The following EBF4 variants were observed in gnomAD, a reference collection of about 807,000 sequenced individuals.
EBF4 encodes transcription factor COE4.
A neutral mutation model predicts 67.1 loss-of-function variants in EBF4; 34 were observed. That is an observed-to-expected ratio of 0.51 (90% confidence interval 0.39 to 0.67). The LOEUF (loss-of-function observed/expected upper bound fraction) is 0.67. Ranked by LOEUF, EBF4 falls within the 30% of genes least tolerant of loss-of-function variation. The pLI, the probability that EBF4 is intolerant of heterozygous loss-of-function variation, is 0.00. For missense variants in EBF4, 837 were observed against 873.3 expected (o/e 0.96, Z 0.52); for synonymous variants, 387 against 377.7 (o/e 1.02, Z -0.29).
rs527279780 is a variant in EBF4, at chr20:2,755,169, C to T, written c.1541-458C>T. On this transcript the variant is annotated intron_variant, in intron 14 of 16. Coordinates refer to ENST00000609451, the Ensembl canonical transcript of EBF4. The surrounding 1 kb of genome is among the most constrained non-coding windows in gnomAD (Gnocchi z 4.7). ...GAGAGGCTTATAACAGGAGCCTGTG[C>T]GTTCCCCCAAACTTCATCCCTAACT... The T allele has an allele frequency of 1.7e-5, 3 of 173,174 alleles. No homozygotes were observed. The highest frequency in any genetic ancestry group is 2.4e-5 in the Non-Finnish European group (2 of 81,900). The allele number at this position is 173,174 out of a possible 1,614,324, so 10.7% of individuals were successfully genotyped here.
chr20:2,740,859 T>C (rs2087956741), intron 6 of EBF4, among the ~76,000 whole-genome samples: 1 of 152,192 alleles, frequency 6.6e-6, no homozygotes, highest in African/African-American at 2.4e-5. Context: ...TGTCATTGGC[T>C]GTGGGCTACT....
intron 1 of EBF4, among the ~76,000 whole-genome samples, chr20:2,701,996 G>A (rs778699322): frequency 8.5e-5 from 13 of 152,192 alleles, no homozygotes; most frequent in Non-Finnish European, 1.6e-4. Context: ...CTTGCTGGCT[G>A]GGGAGCGGGT....
intron 15 of EBF4, among the ~76,000 whole-genome samples, chr20:2,758,617 G>T (rs975500360): frequency 6.6e-6 from 1 of 152,266 alleles, no homozygotes; most frequent in Admixed American, 6.5e-5. Context: ...ATGGCCATGC[G>T]CTTGAGGAAG....
At chr20:2,714,177 T>G (rs1480956133) in intron 6 of EBF4, among the ~76,000 whole-genome samples, 1 of 152,212 alleles carries the variant, frequency 6.6e-6, no homozygotes, top group East Asian at 1.9e-4. Flanking sequence ...CCGTTTCTCT[T>G]ACTCTGAGTG....
intron 1 of EBF4, among the ~76,000 whole-genome samples, chr20:2,698,734 C>A (rs374208862): frequency 3.9e-5 from 6 of 152,162 alleles, no homozygotes; most frequent in African/African-American, 1.4e-4. Context: ...AGCCTCCCCC[C>A]ATTACTGATG....
chr20:2,734,105 C>T (rs2087848685), intron 6 of EBF4, among the ~76,000 whole-genome samples: 1 of 151,918 alleles, frequency 6.6e-6, no homozygotes, highest in African/African-American at 2.4e-5. Context: ...TTTATAATTG[C>T]TCATTTAAAG....
intron 6 of EBF4, among the ~76,000 whole-genome samples, chr20:2,734,623 T>C (rs1367393225): frequency 6.6e-6 from 1 of 152,224 alleles, no homozygotes; most frequent in Non-Finnish European, 1.5e-5. Flanking sequence ...CTTATTGCTA[T>C]TGCTGTTTGT....
chr20:2,708,798 G>T (rs6037382), intron 5 of EBF4, among the ~76,000 whole-genome samples: 1 of 152,178 alleles, frequency 6.6e-6, no homozygotes, highest in African/African-American at 2.4e-5. Context: ...CTTGGAAAAG[G>T]GAGTGACAAG....
chr20:2,705,019 C>G (rs1033207905), intron 1 of EBF4, among the ~76,000 whole-genome samples: 2 of 152,256 alleles, frequency 1.3e-5, no homozygotes, highest in Non-Finnish European at 2.9e-5. Context: ...TGGGGGTGCT[C>G]CCTACCTTCA....
intron 6 of EBF4, among the ~76,000 whole-genome samples, chr20:2,730,139 A>G (rs1428094512): frequency 6.6e-6 from 1 of 152,226 alleles, no homozygotes; most frequent in African/African-American, 2.4e-5. Flanking sequence ...TTAGTTTCCT[A>G]AGGCTGTCCT....
At chr20:2,721,012 T>C (rs2087672448) in intron 6 of EBF4, among the ~76,000 whole-genome samples, 1 of 152,234 alleles carries the variant, frequency 6.6e-6, no homozygotes, top group Non-Finnish European at 1.5e-5. Flanking sequence ...GATATTCTTA[T>C]AATTCATTTT....
At chr20:2,744,953 T>C (rs1410769910) in intron 6 of EBF4, among the ~76,000 whole-genome samples, 1 of 152,236 alleles carries the variant, frequency 6.6e-6, no homozygotes, top group African/African-American at 2.4e-5. Flanking sequence ...ATTCTTTTTT[T>C]CTAAGTCTTG....
exon 13 of EBF4, chr20:2,752,136 C>T (rs1220998757): frequency 2.1e-6 from 3 of 1,449,980 alleles, no homozygotes; most frequent in East Asian, 6.0e-5. Context: ...TGTACAGCAC[C>T]CCCCGCGCAC....
At chr20:2,749,806 C>A in intron 9 of EBF4, 41 bp from the exon 10 acceptor site, 1 of 1,541,554 alleles carries the variant, frequency 6.5e-7, no homozygotes, top group Non-Finnish European at 8.8e-7. Context: ...GCCCTCCCCT[C>A]GCCGGTGCGG....
At chr20:2,730,842 T>C (rs1292917612) in intron 6 of EBF4, among the ~76,000 whole-genome samples, 1 of 152,154 alleles carries the variant, frequency 6.6e-6, no homozygotes, top group East Asian at 1.9e-4. Context: ...ATCCTATCAG[T>C]CAGTGCTCCA....
intron 1 of EBF4, among the ~76,000 whole-genome samples, chr20:2,697,171 G>C (rs938942614): frequency 6.6e-6 from 1 of 152,186 alleles, no homozygotes; most frequent in Non-Finnish European, 1.5e-5. Flanking sequence ...CAGAAGGTGG[G>C]TGGGGAGGAA....
intron 2 of EBF4, 77 bp downstream of exon 2, chr20:2,705,810 C>CTGGG: frequency 7.4e-7 from 1 of 1,349,708 alleles, no homozygotes; most frequent in African/African-American, 1.6e-5. Context: ...CACACACACA[C>CTGGG]ACACACACAC....
rs2087470845 is a variant in EBF4 at position 2,707,211 on chromosome 20, C to T, written c.415-736C>T. Among the ~76,000 whole-genome samples the T allele has an allele frequency of 6.6e-6, 1 of 151,998 alleles. No homozygotes were observed. Among genetic ancestry groups the T allele is most frequent in the African/African-American group, 2.4e-5 (1 of 41,356 alleles). ...GCTGGGGGAGGCAGGCCAGGCAGTG[C>T]CTAGTGGAACTGTCAAGGGGACGGG... On this transcript the variant is annotated intron_variant, in intron 4 of 16. Coordinates refer to ENST00000609451, the Ensembl canonical transcript of EBF4. This position sits in a 1 kb window ranked among gnomAD's most constrained non-coding sequence, Gnocchi z 4.6.
chr20:2,706,413 C>A (rs2087460198), intron 4 of EBF4, 149 bp downstream of exon 4: 2 of 911,432 alleles, frequency 2.2e-6, no homozygotes, highest in Non-Finnish European at 3.4e-6. Context: ...CCACCCCAGC[C>A]TGTGCCGGAG....
Sources: allele counts gnomAD v4.1 joint callset (sites outside exome capture counted in the v4.1 genomes callset), GRCh38; gene constraint gnomAD v4.1.1; non-coding constraint Gnocchi (gnomAD v3.1); transcripts MANE v1.5; gene names NCBI Gene and HGNC (gene_info 2026-07-23, HGNC 2026-07-21).